ZNF362: variants seen among roughly 807,000 people sequenced by gnomAD.
ZNF362 encodes the protein zinc finger protein 362, also known as rotund homolog.
ZNF362 carries 11 observed loss-of-function variants against 42.9 expected under a neutral mutation model. The observed-to-expected ratio is 0.26, with a 90% CI of 0.16 to 0.42. The LOEUF (loss-of-function observed/expected upper bound fraction) is 0.42. Ranked by LOEUF, ZNF362 falls within the 20% of genes least tolerant of loss-of-function variation. The pLI is 1.00. For missense variants in ZNF362, 362 were observed against 576.2 expected (o/e 0.63, Z 3.81); for synonymous variants, 255 against 257.3 (o/e 0.99, Z 0.09).
rs1645985229 is a variant in ZNF362 at position 33,280,490 on chromosome 1, G to C, written c.683+33G>C. 1 of 1,515,738 alleles carries C rather than the reference G, an allele frequency of 6.6e-7. No homozygotes were observed. Among genetic ancestry groups the C allele is most frequent in the Non-Finnish European group, 8.9e-7 (1 of 1,126,470 alleles). 93.9% of individuals were successfully genotyped at this position (1,515,738 alleles called of 1,614,324 possible). A position where few individuals can be genotyped will look rare whatever the true frequency, so the allele number is the denominator to read the frequency against. On this transcript the variant is annotated intron_variant, in intron 5 of 8. Coordinates refer to ENST00000539719, the MANE Select transcript of ZNF362 (RefSeq NM_152493.3). This position sits in a 1 kb window ranked among gnomAD's most constrained non-coding sequence, Gnocchi z 5.6. ...TCTTGGCGGGATGGGGTCCGAGTGG[G>C]CTTGGGGCTGGGGCTTGAGCCAGGG...
In ZNF362 at chr1:33,280,187, C is replaced by T. The variant is rs758516719; in HGVS notation, c.413C>T (p.Thr138Met). ...TCTGAGTCAAGCGCGGGCGCGGGCA[C>T]GGGCACGGGTACCAGCACCCCGTCC... ...STSESSAGAG[T>M]GTGTSTPSTP... is the part of the protein sequence containing the mutation. Residue 138 changes from threonine to methionine, a missense_variant, in exon 5 of 9, where the codon ACG (threonine) becomes ATG (methionine). Physicochemically the swap from Thr to Met is moderately conservative, Grantham distance 81. This residue lies in a region of ZNF362 where 266 missense variants were observed against 365.4 expected (regional missense o/e 0.73). Transcript: ENST00000539719. This position sits in a 1 kb window ranked among gnomAD's most constrained non-coding sequence, Gnocchi z 5.6. 28 of 1,612,602 alleles carry T rather than the reference C, an allele frequency of 1.7e-5. No homozygotes were observed. Among genetic ancestry groups the T allele is most frequent in the African/African-American group, 1.6e-4 (12 of 74,878 alleles).
chr1:33,238,254 G>A, the ZNF362 span, among the ~76,000 whole-genome samples: 1 of 151,268 alleles, frequency 6.6e-6, no homozygotes, highest in South Asian at 2.1e-4. Flanking sequence ...GGGAGGCAGA[G>A]GTTGCAGTGA....
At chr1:33,133,485 G>A in the ZNF362 span, among the ~76,000 whole-genome samples, 2 of 152,126 alleles carry the variant, frequency 1.3e-5, no homozygotes. Flanking sequence ...ATGGTGGGCT[G>A]GGGCAGGTGA....
At chr1:33,191,101 G>T in the ZNF362 span, among the ~76,000 whole-genome samples, 1 of 152,168 alleles carries the variant, frequency 6.6e-6, no homozygotes, top group South Asian at 2.1e-4. Context: ...TTCACCAGCC[G>T]TGGGCATGGT....
intron 6 of ZNF362, among the ~76,000 whole-genome samples, chr1:33,282,190 T>C (rs1342811456): frequency 1.3e-5 from 2 of 152,192 alleles, no homozygotes; most frequent in South Asian, 4.1e-4. Flanking sequence ...ATCATAGCAG[T>C]GGTAGGCTGT....
chr1:33,226,806 A>G, the ZNF362 span, among the ~76,000 whole-genome samples: 3 of 152,220 alleles, frequency 2.0e-5, no homozygotes, highest in East Asian at 5.8e-4. Context: ...CAGAGGTTGC[A>G]GTGAGCCTGG....
chr1:33,182,755 A>T, the ZNF362 span, among the ~76,000 whole-genome samples: 1 of 152,044 alleles, frequency 6.6e-6, no homozygotes, highest in Non-Finnish European at 1.5e-5. Context: ...GTGCAAAAGC[A>T]TAGAGGCGTG....
At chr1:33,151,845 C>T in the ZNF362 span, among the ~76,000 whole-genome samples, 3 of 152,232 alleles carry the variant, frequency 2.0e-5, no homozygotes, top group African/African-American at 4.8e-5. Context: ...GCCCAAGCAG[C>T]GGAGAAAGCC....
the ZNF362 span, among the ~76,000 whole-genome samples, chr1:33,209,460 C>T: frequency 6.6e-6 from 1 of 152,184 alleles, no homozygotes; most frequent in African/African-American, 2.4e-5. Context: ...GGAGGATTCT[C>T]TCTTTTTCTA....
chr1:33,177,084 T>C, the ZNF362 span, among the ~76,000 whole-genome samples: 3 of 147,924 alleles, frequency 2.0e-5, no homozygotes, highest in African/African-American at 5.0e-5. This position sits in a 1 kb window ranked among gnomAD's most constrained non-coding sequence, Gnocchi z 4.1. Flanking sequence ...CACACATGCA[T>C]GCACAAATGC....
the ZNF362 span, among the ~76,000 whole-genome samples, chr1:33,250,845 GA>G: frequency 9.5e-6 from 1 of 104,836 alleles, no homozygotes; most frequent in South Asian, 3.4e-4. Context: ...GAAGAAAGAA[GA>G]AAGAAGGAAG....
intron 1 of ZNF362, 28 bp from the exon 2 acceptor site, chr1:33,270,459 T>G (rs1356648921): frequency 4.6e-6 from 3 of 645,230 alleles, no homozygotes; most frequent in South Asian, 2.0e-5. Context: ...TTATTGTTAT[T>G]ATTGTTATTG....
intron 1 of ZNF362, among the ~76,000 whole-genome samples, chr1:33,262,700 C>G (rs1026707849): frequency 3.9e-5 from 6 of 152,194 alleles, no homozygotes; most frequent in Non-Finnish European, 7.3e-5. Flanking sequence ...CACAACCCTT[C>G]AACACACTCA....
chr1:33,187,675 A>C, the ZNF362 span, among the ~76,000 whole-genome samples: 2 of 152,212 alleles, frequency 1.3e-5, no homozygotes, highest in African/African-American at 4.8e-5. Flanking sequence ...TGAGGATCCC[A>C]AAATTACCAG....
chr1:33,264,931 G>T lies in ZNF362; in HGVS notation c.-88-5556G>T, dbSNP rs1645855538. ...TGCTTTGTAAGTGATTAAGCTGTCC[G>T]TTCATGTTCTAAGCATCTTTCTGAA... On this transcript the variant is annotated intron_variant, in intron 1 of 8. Transcript: ENST00000539719. 2.0e-5 allele frequency among the ~76,000 whole-genome samples: 3 copies of T among 152,086 alleles called. No individual in the cohort carries two copies. The South Asian group carries it at 6.2e-4, about 32-fold the overall frequency.
At chr1:33,270,454 GTTA>G in intron 1 of ZNF362, 30 bp from the exon 2 acceptor site, 1 of 638,986 alleles carries the variant, frequency 1.6e-6, no homozygotes, top group Non-Finnish European at 2.9e-6. Context: ...TATTATTATT[GTTA>G]TTATTGTTAT....
the ZNF362 span, among the ~76,000 whole-genome samples, chr1:33,189,674 T>C: frequency 0.8 from 78,509 of 98,388 alleles, 31,949 homozygotes; most frequent in Non-Finnish European, 0.86. Context: ...TATATATATG[T>C]ATATATATAC....
chr1:33,213,706 G>C, the ZNF362 span, among the ~76,000 whole-genome samples: 1 of 151,980 alleles, frequency 6.6e-6, no homozygotes, highest in African/African-American at 2.4e-5. Context: ...TTAACTGGGC[G>C]TGGTGGCATG....
the ZNF362 span, among the ~76,000 whole-genome samples, chr1:33,239,820 G>A: frequency 1.3e-5 from 2 of 152,188 alleles, no homozygotes; most frequent in South Asian, 2.1e-4. Context: ...CATATCAGAT[G>A]GGAACATGTC....
Sources: gnomAD v4.1 joint callset for allele counts (sites outside exome capture counted in the v4.1 genomes callset) on GRCh38, gnomAD v4.1.1 for gene constraint, gnomAD v4.1.1 regional missense constraint, Gnocchi (gnomAD v3.1) non-coding constraint, MANE v1.5 for transcripts, NCBI Gene and HGNC (gene_info 2026-07-23, HGNC 2026-07-21) for gene names.